The following VKORC1L1 variants were observed in gnomAD, a reference collection of about 807,000 sequenced individuals.
VKORC1L1 encodes vitamin K epoxide reductase complex subunit 1L1, also known as vitamin K epoxide reductase complex subunit 1-like protein 1.
Under a neutral mutation model 18.9 loss-of-function variants are expected in VKORC1L1, and 2 were observed. That is an observed-to-expected ratio of 0.11 (90% CI 0.04 to 0.33). The LOEUF (loss-of-function observed/expected upper bound fraction) is 0.33, where lower values mean the gene tolerates loss of function less well. VKORC1L1 is among the 10% of genes least tolerant of loss of function. The probability of loss-of-function intolerance (pLI) is 1.00; values close to 1 mark genes in which losing one functional copy is unlikely to be tolerated. For synonymous variants in VKORC1L1, 96 were observed against 100.0 expected (o/e 0.96, Z 0.24); for missense variants, 123 against 224.1 (o/e 0.55, Z 2.88).
chr7:65,872,031 A>C (rs559151277), upstream of VKORC1L1, among the ~76,000 whole-genome samples: 1 of 152,364 alleles, frequency 6.6e-6, no homozygotes, highest in Non-Finnish European at 1.5e-5. Context: ...AAAATCTCCA[A>C]GAACCCTGTG....
intron 1 of VKORC1L1, among the ~76,000 whole-genome samples, chr7:65,915,082 CT>C (rs11359717): frequency 0.32 from 45,081 of 140,734 alleles, 7,966 homozygotes; most frequent in East Asian, 0.46. Flanking sequence ...TATTTTTTTT[CT>C]TTTTTTTTTC....
rs1789003370 is a variant in VKORC1L1, at chr7:65,885,899, CA to C, written c.194+12337del. On this transcript the variant is annotated intron_variant, in intron 1 of 2. Coordinates refer to ENST00000360768, the MANE Select transcript of VKORC1L1 (RefSeq NM_173517.6). ...AGAATAATTTTGATGAGTTCTAAGA[CA>C]AATCCCACTGAGATTTTGATTAGAA... Among the ~76,000 whole-genome samples, 2 of 152,166 alleles carry C rather than the reference CA, an allele frequency of 1.3e-5. 1 individual carries two copies. The highest frequency in any genetic ancestry group is 4.1e-4 in the South Asian group (2 of 4,834).
intron 1 of VKORC1L1, among the ~76,000 whole-genome samples, chr7:65,886,207 T>TA (rs1325746951): frequency 2.0e-5 from 3 of 152,234 alleles, no homozygotes; most frequent in African/African-American, 7.2e-5. Flanking sequence ...ATATATGGTA[T>TA]ATGTATACTC....
chr7:65,925,172 G>C (rs910794783), intron 1 of VKORC1L1, among the ~76,000 whole-genome samples: 1 of 152,178 alleles, frequency 6.6e-6, no homozygotes, highest in Non-Finnish European at 1.5e-5. Context: ...TGTGTGACTT[G>C]GAGGTATGTG....
intron 1 of VKORC1L1, among the ~76,000 whole-genome samples, chr7:65,898,062 GTAAATT>G (rs1789245079): frequency 7.5e-6 from 1 of 134,132 alleles, no homozygotes; most frequent in African/African-American, 2.7e-5. Context: ...CAGTCATACA[GTAAATT>G]TGTAGCAGGT....
At chr7:65,878,883 G>A (rs1206047117) in intron 1 of VKORC1L1, among the ~76,000 whole-genome samples, 12 of 152,188 alleles carry the variant, frequency 7.9e-5, no homozygotes, top group Non-Finnish European at 1.3e-4. Flanking sequence ...ACTCCAGACT[G>A]GGTGACAGAG....
intron 1 of VKORC1L1, among the ~76,000 whole-genome samples, chr7:65,940,072 C>T (rs560033988): frequency 5.9e-5 from 9 of 151,830 alleles, no homozygotes; most frequent in East Asian, 1.9e-4. Context: ...TCACCCAGGC[C>T]GGAATGGAGC....
At chr7:65,949,683 C>T (rs1304868682) in intron 2 of VKORC1L1, among the ~76,000 whole-genome samples, 4 of 151,750 alleles carry the variant, frequency 2.6e-5, no homozygotes, top group African/African-American at 9.7e-5. Flanking sequence ...ACTTGAAAGG[C>T]TGAGGTGAGA....
At position 65,917,712 on chromosome 7, in the gene VKORC1L1, C is replaced by A. The variant is rs2115604522; in HGVS notation, c.195-30959C>A. 2.6e-5 allele frequency among the ~76,000 whole-genome samples: 4 copies of A among 152,334 alleles called. 1 individual carries two copies. In the South Asian group the frequency reaches 8.3e-4, roughly 32 times the overall value. On this transcript the variant is annotated intron_variant, in intron 1 of 2. Coordinates refer to ENST00000360768, the MANE Select transcript of VKORC1L1 (RefSeq NM_173517.6). ...GCTATACAATTATCTACCCCTGTATCCATCACTAAAAACTTTCTCCTAAGT... is the reference window on the plus strand; with the variant it reads ...GCTATACAATTATCTACCCCTGTATACATCACTAAAAACTTTCTCCTAAGT...
intron 1 of VKORC1L1, among the ~76,000 whole-genome samples, chr7:65,934,848 T>A (rs1207054491): frequency 2.0e-5 from 3 of 151,596 alleles, no homozygotes; most frequent in East Asian, 3.9e-4. Context: ...AGGTCAGGAG[T>A]TCGAGACCAG....
intron 1 of VKORC1L1, among the ~76,000 whole-genome samples, chr7:65,917,592 A>G (rs1202484482): frequency 6.6e-6 from 1 of 152,168 alleles, no homozygotes; most frequent in Non-Finnish European, 1.5e-5. Context: ...AATATGAAAC[A>G]TACAGAAAAC....
At chr7:65,903,643 G>A (rs564328773) in intron 1 of VKORC1L1, among the ~76,000 whole-genome samples, 32 of 152,168 alleles carry the variant, frequency 2.1e-4, no homozygotes, top group South Asian at 1.5e-3. Context: ...ATGGTGGCGC[G>A]CGCCTGTGGT....
chr7:65,885,312 G>A (rs1334358796), intron 1 of VKORC1L1, among the ~76,000 whole-genome samples: 1 of 151,902 alleles, frequency 6.6e-6, no homozygotes, highest in African/African-American at 2.4e-5. Context: ...TTTGTTATAT[G>A]TGTTACACAT....
At chr7:65,908,605 A>G (rs544462704) in intron 1 of VKORC1L1, among the ~76,000 whole-genome samples, 115 of 152,270 alleles carry the variant, frequency 7.6e-4, no homozygotes, top group Non-Finnish European at 1.3e-3. Context: ...TGGGAGGTCA[A>G]GGCAGGTGGA....
At position 65,954,610 on chromosome 7, in the gene VKORC1L1, A is replaced by G. The variant is rs951354690; in HGVS notation, c.*310A>G. 5.6e-5 allele frequency: 23 copies of G among 409,950 alleles called. No individual in the cohort carries two copies. Among genetic ancestry groups the G allele is most frequent in the Non-Finnish European group, 8.1e-5 (19 of 235,944 alleles). 25.4% of individuals were successfully genotyped at this position (409,950 alleles called of 1,614,324 possible). A position where few individuals can be genotyped will look rare whatever the true frequency, so the allele number is the denominator to read the frequency against. ...CCTGCCCTCAATTGTAAAGTGAGCA[A>G]CCATTGCTAGTAATTCTTTAATGTG... On this transcript the variant is annotated 3_prime_UTR_variant, in exon 3 of 3. Coordinates refer to ENST00000360768, the MANE Select transcript of VKORC1L1 (RefSeq NM_173517.6).
intron 2 of VKORC1L1, among the ~76,000 whole-genome samples, chr7:65,950,886 G>A (rs59794892): frequency 0.13 from 19,260 of 152,210 alleles, 1,382 homozygotes; most frequent in Middle Eastern, 0.21. Context: ...TATTCTGCAT[G>A]TTTCCATTTT....
intron 1 of VKORC1L1, among the ~76,000 whole-genome samples, chr7:65,907,819 G>T (rs538030103): frequency 1.6e-4 from 25 of 152,204 alleles, no homozygotes; most frequent in African/African-American, 6.0e-4. Context: ...TATTTCCAAT[G>T]ACAGTTTTAC....
At chr7:65,942,539 C>A (rs796580789) in intron 1 of VKORC1L1, among the ~76,000 whole-genome samples, 1 of 139,994 alleles carries the variant, frequency 7.1e-6, no homozygotes, top group African/African-American at 2.6e-5. Context: ...CTTTTCTTTT[C>A]TTTTTTTCTT....
Position 65,873,520 on chromosome 7 carries a change from G to T in VKORC1L1, c.149G>T (p.Cys50Phe), listed in dbSNP as rs773032165. 6 of 1,587,790 alleles carry T rather than the reference G, an allele frequency of 3.8e-6. No individual in the cohort carries two copies. The highest frequency in any genetic ancestry group is 5.1e-6 in the Non-Finnish European group (6 of 1,169,700). ...KERDPEHRAL[C>F]DLGPWVKCSA... Reference sequence around the variant, plus strand: ...CGGGACCCCGAGCACCGGGCCCTCTGCGACCTGGGGCCCTGGGTGAAGTGC... The same window carrying T: ...CGGGACCCCGAGCACCGGGCCCTCTTCGACCTGGGGCCCTGGGTGAAGTGC... Residue 50 changes from cysteine (C) to phenylalanine (F), a missense_variant, in exon 1 of 3, where the codon TGC (cysteine) becomes TTC (phenylalanine). By Grantham distance (205) the Cys-to-Phe change is radical (BLOSUM62 -2). Coordinates refer to ENST00000360768, the MANE Select transcript of VKORC1L1 (RefSeq NM_173517.6).
Sources: gnomAD v4.1 joint callset for allele counts (sites outside exome capture counted in the v4.1 genomes callset) on GRCh38, gnomAD v4.1.1 for gene constraint, MANE v1.5 for transcripts, NCBI Gene and HGNC (gene_info 2026-07-23, HGNC 2026-07-21) for gene names.